WASF3: variants seen among roughly 807,000 people sequenced by gnomAD.
The protein encoded by WASF3 is WASP family member 3, also known as actin-binding protein WASF3.
A neutral mutation model predicts 46.6 loss-of-function variants in WASF3; 11 were observed. The ratio of observed to expected loss-of-function variants is 0.24; its 90% CI spans 0.15 to 0.39. The LOEUF (loss-of-function observed/expected upper bound fraction) is 0.39, where lower values mean the gene tolerates loss of function less well. Ranked by LOEUF, WASF3 falls within the 10% of genes least tolerant of loss-of-function variation. WASF3 has a pLI of 1.00. For synonymous variants in WASF3, 242 were observed against 259.7 expected (o/e 0.93, Z 0.65); for missense variants, 576 against 669.8 (o/e 0.86, Z 1.55).
rs773704053 is a variant in WASF3, at chr13:26,681,286, C to T, written c.949C>T (p.Gln317Ter). ...PPPPQAPEGS[Q>*]ASAPMAPADY... Reference sequence around the variant, plus strand: ...TCCCCCTCAGGCCCCAGAGGGGTCCCAGGCCTCTGCACCGATGGCTCCAGC... The same window carrying T: ...TCCCCCTCAGGCCCCAGAGGGGTCCTAGGCCTCTGCACCGATGGCTCCAGC... The change falls in exon 8 of 10, where the codon CAG (glutamine) becomes TAG (stop). Residue 317 changes from glutamine to a stop codon, truncating the protein, a stop_gained. Coordinates refer to ENST00000335327, the MANE Select transcript of WASF3 (RefSeq NM_006646.6). LOFTEE classifies it high-confidence loss of function. The T allele has an allele frequency of 6.2e-7, 1 of 1,611,966 alleles. No homozygotes were observed. Among genetic ancestry groups the T allele is most frequent in the Non-Finnish European group, 8.5e-7 (1 of 1,179,172 alleles).
chr13:26,539,889 GACTGGTT>G, the WASF3 span, among the ~76,000 whole-genome samples: 1 of 152,150 alleles, frequency 6.6e-6, no homozygotes, highest in Non-Finnish European at 1.5e-5. Context: ...GTTGGGTATA[GACTGGTT>G]ACCTTCTACA....
At chr13:26,660,604 G>A (rs1882601915) in intron 3 of WASF3, among the ~76,000 whole-genome samples, 2 of 152,088 alleles carry the variant, frequency 1.3e-5, no homozygotes, top group Non-Finnish European at 2.9e-5. Context: ...GCTTTGCTGC[G>A]AAGGGAGGAG....
chr13:26,656,314 A>C (rs774076974), intron 3 of WASF3, among the ~76,000 whole-genome samples: 2 of 152,232 alleles, frequency 1.3e-5, no homozygotes, highest in Non-Finnish European at 2.9e-5. Flanking sequence ...TTTCATAAAC[A>C]AATGAAAACA....
intron 1 of WASF3, among the ~76,000 whole-genome samples, chr13:26,596,895 T>C (rs1035743500): frequency 2.6e-5 from 4 of 152,200 alleles, no homozygotes; most frequent in Admixed American, 2.6e-4. Context: ...ATGAGTTCTT[T>C]CTTTCTGAAA....
chr13:26,678,157 A>G (rs1224004884), intron 7 of WASF3, among the ~76,000 whole-genome samples: 1 of 152,162 alleles, frequency 6.6e-6, no homozygotes, highest in African/African-American at 2.4e-5. Context: ...GTTGTCTCCT[A>G]CTATTTCCCA....
At chr13:26,561,673 G>A (rs1472267063) in intron 1 of WASF3, among the ~76,000 whole-genome samples, 1 of 152,210 alleles carries the variant, frequency 6.6e-6, no homozygotes, top group Admixed American at 6.5e-5. Context: ...GTTTCACATT[G>A]TTGAGGAAAA....
At chr13:26,675,650 C>CTGTGTGTGTG (rs35156420) in intron 6 of WASF3, among the ~76,000 whole-genome samples, 9 of 147,076 alleles carry the variant, frequency 6.1e-5, no homozygotes, top group South Asian at 2.2e-4. Flanking sequence ...GATGCCATGT[C>CTGTGTGTGTG]TGTGTGTGTG....
intron 1 of WASF3, among the ~76,000 whole-genome samples, chr13:26,610,404 C>T (rs1880936920): frequency 6.6e-6 from 1 of 152,184 alleles, no homozygotes; most frequent in Non-Finnish European, 1.5e-5. Context: ...ACAGACTTTT[C>T]TTCTTGTGGA....
chr13:26,645,555 T>C (rs1189068297), intron 3 of WASF3, among the ~76,000 whole-genome samples: 1 of 152,164 alleles, frequency 6.6e-6, no homozygotes, highest in Non-Finnish European at 1.5e-5. Context: ...ATCAGGTACA[T>C]GATTGTGATT....
chr13:26,598,215 AG>A (rs1880533821), intron 1 of WASF3, among the ~76,000 whole-genome samples: 2 of 152,218 alleles, frequency 1.3e-5, no homozygotes, highest in African/African-American at 4.8e-5. Context: ...TCTGATGGCC[AG>A]TGATGATGAG....
intron 2 of WASF3, among the ~76,000 whole-genome samples, chr13:26,630,522 G>T (rs543813278): frequency 6.6e-6 from 1 of 152,284 alleles, no homozygotes; most frequent in South Asian, 2.1e-4. Context: ...GTATTCCATG[G>T]TTTATATATG....
chr13:26,626,874 T>A (rs1881480098), intron 2 of WASF3, among the ~76,000 whole-genome samples: 1 of 152,076 alleles, frequency 6.6e-6, no homozygotes, highest in Non-Finnish European at 1.5e-5. Flanking sequence ...AAACAAAAAC[T>A]GATAGAACTC....
chr13:26,604,606 A>G lies in WASF3; in HGVS notation c.-108-8355A>G, dbSNP rs555044365. Among the ~76,000 whole-genome samples, 15 of 152,352 alleles carry G rather than the reference A, an allele frequency of 9.8e-5. No individual in the cohort carries two copies. The East Asian group carries it at 2.9e-3, about 29-fold the overall frequency. On this transcript the variant is annotated intron_variant, in intron 1 of 9. Coordinates refer to ENST00000335327, the MANE Select transcript of WASF3 (RefSeq NM_006646.6). ...AAGTTACTGAACTATAAAAAAAAGA[A>G]GGAGTCCATTTAGTAGCAAAATTAC...
intron 2 of WASF3, among the ~76,000 whole-genome samples, chr13:26,625,027 G>A (rs2137248887): frequency 6.6e-6 from 1 of 152,254 alleles, no homozygotes; most frequent in African/African-American, 2.4e-5. Flanking sequence ...TCAGATGGCG[G>A]TTGGGATCTA....
At chr13:26,550,093 C>T in the WASF3 span, among the ~76,000 whole-genome samples, 1 of 152,166 alleles carries the variant, frequency 6.6e-6, no homozygotes, top group Non-Finnish European at 1.5e-5. Flanking sequence ...GGAGCAATAG[C>T]TATTCAATTT....
intron 1 of WASF3, among the ~76,000 whole-genome samples, chr13:26,570,179 G>A (rs938929876): frequency 2.0e-5 from 3 of 151,990 alleles, no homozygotes; most frequent in Non-Finnish European, 2.9e-5. Flanking sequence ...TTCCAGCTAC[G>A]TGGGAGGCTG....
At chr13:26,641,555 A>G (rs1881997390) in intron 2 of WASF3, among the ~76,000 whole-genome samples, 1 of 152,108 alleles carries the variant, frequency 6.6e-6, no homozygotes, top group African/African-American at 2.4e-5. Flanking sequence ...GACCTACTAA[A>G]ATTAGGGGTT....
intron 2 of WASF3, among the ~76,000 whole-genome samples, chr13:26,622,208 G>A (rs1208019621): frequency 6.6e-6 from 1 of 152,176 alleles, no homozygotes; most frequent in Non-Finnish European, 1.5e-5. Flanking sequence ...ATAGAAGAGA[G>A]AATCATTAAC....
In WASF3 at chr13:26,559,804, CTTTCTTTTTTTTTTTT is replaced by C. The variant is rs1314012651; in HGVS notation, c.-109+1989_-109+2004del. 3.6e-4 allele frequency among the ~76,000 whole-genome samples: 18 copies of C among 50,662 alleles called. 1 individual carries two copies. The highest frequency in any genetic ancestry group is 1.0e-3 in the African/African-American group (13 of 12,902). 33.2% of individuals were successfully genotyped at this position (50,662 alleles called of 152,430 possible). A position where few individuals can be genotyped will look rare whatever the true frequency, so the allele number is the denominator to read the frequency against. On this transcript the variant is annotated intron_variant, in intron 1 of 9. Coordinates refer to ENST00000335327, the MANE Select transcript of WASF3 (RefSeq NM_006646.6). Reference sequence around the variant, plus strand: ...TTTCTTTTCTTTTCTTTCTTTCTTTCTTTCTTTTTTTTTTTTTTTTTTTTTTTTTTGAGACGGAGTC... The same window carrying C: ...TTTCTTTTCTTTTCTTTCTTTCTTTCTTTTTTTTTTTTTTGAGACGGAGTC...
Sources: allele counts gnomAD v4.1 joint callset (sites outside exome capture counted in the v4.1 genomes callset), GRCh38; gene constraint gnomAD v4.1.1; transcripts MANE v1.5; gene names NCBI Gene and HGNC (gene_info 2026-07-23, HGNC 2026-07-21).